The following NKAIN2 variants were observed in gnomAD, a reference collection of about 807,000 sequenced individuals.
NKAIN2 encodes the protein sodium/potassium-transporting ATPase subunit beta-1-interacting protein 2.
A neutral mutation model predicts 32.6 loss-of-function variants in NKAIN2; 14 were observed. That is an observed-to-expected ratio of 0.43 (90% confidence interval 0.28 to 0.67). NKAIN2 has a LOEUF of 0.67. NKAIN2 is among the 30% of genes least tolerant of loss of function. The pLI is 0.17. For missense variants in NKAIN2, 198 were observed against 258.3 expected, an observed-to-expected ratio of 0.77 and a Z score of 1.60; for synonymous variants, 80 against 87.2, an observed-to-expected ratio of 0.92 and a Z score of 0.46.
chr6:124,413,103 C>T (rs917434009), intron 3 of NKAIN2, among the ~76,000 whole-genome samples: 3 of 152,062 alleles, frequency 2.0e-5, no homozygotes, highest in African/African-American at 7.2e-5. Context: ...AAGGGAATTC[C>T]CTGACCCCTT....
intron 1 of NKAIN2, among the ~76,000 whole-genome samples, chr6:124,142,594 G>A (rs1787200500): frequency 6.6e-6 from 1 of 152,078 alleles, no homozygotes; most frequent in East Asian, 1.9e-4. Flanking sequence ...AAATATTATG[G>A]TGCCACAGTT....
intron 1 of NKAIN2, among the ~76,000 whole-genome samples, chr6:124,272,480 C>G (rs1011513120): frequency 2.0e-5 from 3 of 152,160 alleles, no homozygotes; most frequent in African/African-American, 7.2e-5. Flanking sequence ...GAAACTGTGC[C>G]TCAATTTCAG....
At chr6:124,387,438 C>A (rs998090876) in intron 3 of NKAIN2, among the ~76,000 whole-genome samples, 2 of 152,014 alleles carry the variant, frequency 1.3e-5, no homozygotes, top group African/African-American at 4.8e-5. Flanking sequence ...AAGCATCAGA[C>A]TCAAAGGCAA....
chr6:124,063,099 T>G (rs1326376049), intron 1 of NKAIN2, among the ~76,000 whole-genome samples: 1 of 151,850 alleles, frequency 6.6e-6, no homozygotes, highest in African/African-American at 2.4e-5. Flanking sequence ...GACAGAGAAT[T>G]GCTTGAACCT....
At chr6:123,970,977 T>C (rs1582862758) in intron 1 of NKAIN2, among the ~76,000 whole-genome samples, 1 of 152,212 alleles carries the variant, frequency 6.6e-6, no homozygotes, top group East Asian at 1.9e-4. Flanking sequence ...ATTTAAGTCA[T>C]AAACTGTGGT....
In NKAIN2 at chr6:123,953,447, A is replaced by G. The variant is rs573583997; in HGVS notation, c.54+149193A>G. On this transcript the variant is annotated intron_variant, in intron 1 of 6. Coordinates refer to ENST00000368417, the MANE Select transcript of NKAIN2 (RefSeq NM_001040214.3). ...CCCTGGGCAGTAGGCAAGTGAAGGC[A>G]ATGGCAGTAATAATGGTAGAAATAA... is the stretch of plus-strand genomic sequence containing the variant. Among the ~76,000 whole-genome samples, 45 of 152,254 alleles carry G rather than the reference A, an allele frequency of 3.0e-4. No individual in the cohort carries two copies. The South Asian group carries it at 8.9e-3, about 30-fold the overall frequency.
intron 4 of NKAIN2, among the ~76,000 whole-genome samples, chr6:124,708,154 A>C (rs1378894990): frequency 6.9e-6 from 1 of 145,900 alleles, no homozygotes; most frequent in South Asian, 2.2e-4. Context: ...ATAGTTGTAG[A>C]TATGCGGCAT....
chr6:124,737,340 G>A (rs1013907890), intron 4 of NKAIN2, among the ~76,000 whole-genome samples: 31 of 151,746 alleles, frequency 2.0e-4, no homozygotes, highest in African/African-American at 7.5e-4. Flanking sequence ...TCCCCCTTTT[G>A]CTTGGCACTT....
At position 123,964,181 on chromosome 6, in the gene NKAIN2, T is replaced by C. The variant is rs1268397077; in HGVS notation, c.54+159927T>C. 2.0e-5 allele frequency among the ~76,000 whole-genome samples: 3 copies of C among 152,174 alleles called. No homozygotes were observed. Among genetic ancestry groups the C allele is most frequent in the Non-Finnish European group, 2.9e-5 (2 of 68,040 alleles). On this transcript the variant is annotated intron_variant, in intron 1 of 6. Transcript: ENST00000368417. The surrounding 1 kb of genome is among the most constrained non-coding windows in gnomAD (Gnocchi z 4.0). ...GAAGTAGAAATTACCTACATCAATT[T>C]TGTTTTCTTTATTTATTTCAAGACT...
intron 2 of NKAIN2, among the ~76,000 whole-genome samples, chr6:124,298,301 CT>C (rs1175113553): frequency 4.2e-4 from 64 of 151,928 alleles, no homozygotes; most frequent in African/African-American, 1.5e-3. Flanking sequence ...AGCAATATAC[CT>C]GTTTTCTTCT....
intron 1 of NKAIN2, among the ~76,000 whole-genome samples, chr6:123,899,504 A>G (rs1261054072): frequency 1.3e-5 from 2 of 152,184 alleles, no homozygotes; most frequent in African/African-American, 4.8e-5. Context: ...TTGATAATTT[A>G]CCTCACAAGC....
intron 4 of NKAIN2, among the ~76,000 whole-genome samples, chr6:124,723,873 C>A (rs994909047): frequency 3.3e-5 from 5 of 152,176 alleles, no homozygotes; most frequent in Non-Finnish European, 7.3e-5. Flanking sequence ...TCTTTCCAAT[C>A]CTACTCTTTA....
chr6:124,255,557 C>G (rs1011332433), intron 1 of NKAIN2, among the ~76,000 whole-genome samples: 1 of 152,104 alleles, frequency 6.6e-6, no homozygotes, highest in African/African-American at 2.4e-5. Flanking sequence ...CATTTTTATT[C>G]AACAGCCATG....
chr6:124,021,683 ATC>A (rs1780873118), intron 1 of NKAIN2, among the ~76,000 whole-genome samples: 1 of 151,914 alleles, frequency 6.6e-6, no homozygotes, highest in Non-Finnish European at 1.5e-5. Context: ...AGGCTTATAA[ATC>A]TCTCTTTCCC....
intron 1 of NKAIN2, among the ~76,000 whole-genome samples, chr6:124,209,125 C>G (rs1791045045): frequency 6.6e-6 from 1 of 151,418 alleles, no homozygotes; most frequent in African/African-American, 2.4e-5. Context: ...CGCCTCGCCG[C>G]TACTCTTCAG....
At chr6:124,822,088 C>A (rs1781418180) in intron 6 of NKAIN2, among the ~76,000 whole-genome samples, 1 of 152,190 alleles carries the variant, frequency 6.6e-6, no homozygotes, top group African/African-American at 2.4e-5. Context: ...CTGTGCCTCT[C>A]TCCCTTTTCT....
chr6:123,967,459 G>C (rs892149649), intron 1 of NKAIN2, among the ~76,000 whole-genome samples: 1 of 152,102 alleles, frequency 6.6e-6, no homozygotes, highest in Non-Finnish European at 1.5e-5. Flanking sequence ...CTTACAACTT[G>C]CCCCCCTTTT....
intron 1 of NKAIN2, among the ~76,000 whole-genome samples, chr6:124,229,620 C>T (rs1007928928): frequency 6.6e-6 from 1 of 152,060 alleles, no homozygotes; most frequent in South Asian, 2.1e-4. Flanking sequence ...CCTTAATTCC[C>T]ATATGTTGTG....
At chr6:123,808,575 C>A (rs1303008273) in intron 1 of NKAIN2, among the ~76,000 whole-genome samples, 1 of 152,174 alleles carries the variant, frequency 6.6e-6, no homozygotes, top group East Asian at 1.9e-4. Context: ...ACTCTTCTTT[C>A]TTCGTTCACA....
Sources: allele counts gnomAD v4.1 joint callset (sites outside exome capture counted in the v4.1 genomes callset), GRCh38; gene constraint gnomAD v4.1.1; non-coding constraint Gnocchi (gnomAD v3.1); transcripts MANE v1.5; gene names NCBI Gene and HGNC (gene_info 2026-07-23, HGNC 2026-07-21).